The following SMAD6 variants were observed in gnomAD, a reference collection of about 807,000 sequenced individuals.
SMAD6 encodes the protein MAD homolog 6.
In SMAD6, 103 loss-of-function variants were observed where a neutral mutation model predicts 39.4. The observed-to-expected ratio is 2.62, with a 90% CI of 2.23 to 3.08. The LOEUF (loss-of-function observed/expected upper bound fraction) is 3.08, where lower values mean the gene tolerates loss of function less well. Among genes scored for constraint, SMAD6 ranks in the 30% most tolerant of loss-of-function variants. SMAD6 has a pLI of 0.00. For missense variants in SMAD6, 1,104 were observed against 742.9 expected (o/e 1.49, Z -5.65); for synonymous variants, 445 against 353.3 (o/e 1.26, Z -2.91).
At chr15:66,762,969 A>G (rs1883280058) in intron 3 of SMAD6, among the ~76,000 whole-genome samples, 1 of 152,086 alleles carries the variant, frequency 6.6e-6, no homozygotes, top group African/African-American at 2.4e-5. Context: ...GTTGTCCCCA[A>G]AGGACACAGC....
rs1217209125 is a variant in SMAD6 at position 66,703,870 on chromosome 15, C to T, written c.612C>T (p.Gly204=). 1.5e-6 allele frequency: 2 copies of T among 1,338,512 alleles called. No individual in the cohort carries two copies. The highest frequency in any genetic ancestry group is 6.7e-5 in the East Asian group (2 of 29,808). 82.9% of individuals were successfully genotyped at this position (1,338,512 alleles called of 1,614,324 possible). The change falls in exon 1 of 4, where the codon GGC becomes GGT. Residue 204 remains glycine, a synonymous_variant. Coordinates refer to ENST00000288840, the MANE Select transcript of SMAD6 (RefSeq NM_005585.5). Reference sequence around the variant, plus strand: ...AGTCCCGCGGCGGCGTGCCGGGCGGCTGCGTGCTGGTGCCGCGCGCCGACC... The same window carrying T: ...AGTCCCGCGGCGGCGTGCCGGGCGGTTGCGTGCTGGTGCCGCGCGCCGACC... ...AVESRGGVPG[G]CVLVPRADLR...
intron 3 of SMAD6, among the ~76,000 whole-genome samples, chr15:66,733,759 A>G (rs141010127): frequency 6.6e-6 from 1 of 152,336 alleles, no homozygotes; most frequent in East Asian, 1.9e-4. Flanking sequence ...ACTTTGGGCA[A>G]GTTGCCTCAG....
intron 3 of SMAD6, among the ~76,000 whole-genome samples, chr15:66,730,445 T>C (rs1893607353): frequency 6.6e-6 from 1 of 152,202 alleles, no homozygotes; most frequent in Non-Finnish European, 1.5e-5. Flanking sequence ...TTGTAGTGCA[T>C]TGAATTTGCA....
rs543003744 is a variant in SMAD6 at position 66,742,238 on chromosome 15, A to G, written c.952+25740A>G. ...AAGCCCCTCTCCCCTTTCTCAGCCT[A>G]CTTCTCATGGGAGTCAGCATCCCCT... On this transcript the variant is annotated intron_variant, in intron 3 of 3. Coordinates refer to ENST00000288840, the MANE Select transcript of SMAD6 (RefSeq NM_005585.5). 1.7e-3 allele frequency among the ~76,000 whole-genome samples: 253 copies of G among 152,158 alleles called. 1 individual carries two copies. The highest frequency in any genetic ancestry group is 5.4e-3 in the African/African-American group (224 of 41,516).
chr15:66,758,060 C>T (rs1051178372), intron 3 of SMAD6, among the ~76,000 whole-genome samples: 2 of 152,204 alleles, frequency 1.3e-5, no homozygotes, highest in African/African-American at 2.4e-5. Flanking sequence ...AAGTTGTTGT[C>T]ATTGTGTGTC....
chr15:66,713,406 G>A (rs1481934843), intron 2 of SMAD6, among the ~76,000 whole-genome samples: 2 of 152,066 alleles, frequency 1.3e-5, no homozygotes, highest in African/African-American at 2.4e-5. Context: ...TGCAACCTCC[G>A]CATCCCGGGT....
chr15:66,743,184 G>T (rs1212502659), intron 3 of SMAD6, among the ~76,000 whole-genome samples: 1 of 152,152 alleles, frequency 6.6e-6, no homozygotes, highest in East Asian at 1.9e-4. Flanking sequence ...GTGGGATCCT[G>T]AGAGCTCCCT....
At chr15:66,710,364 A>G (rs994731648) in intron 1 of SMAD6, among the ~76,000 whole-genome samples, 2 of 152,162 alleles carry the variant, frequency 1.3e-5, no homozygotes, top group African/African-American at 4.8e-5. Context: ...TCTGTGATTC[A>G]CTTTTCCTTC....
At chr15:66,715,395 A>G (rs1893309262) in intron 2 of SMAD6, among the ~76,000 whole-genome samples, 1 of 152,070 alleles carries the variant, frequency 6.6e-6, no homozygotes, top group African/African-American at 2.4e-5. Context: ...AATTCTAGCT[A>G]GTGAGGGCCT....
chr15:66,749,494 G>A (rs950753295), intron 3 of SMAD6, among the ~76,000 whole-genome samples: 5 of 152,080 alleles, frequency 3.3e-5, no homozygotes, highest in South Asian at 2.1e-4. Flanking sequence ...GGCAGGCGTC[G>A]TGGCATGCAC....
chr15:66,711,096 C>A (rs746856280), intron 1 of SMAD6, among the ~76,000 whole-genome samples: 1 of 152,160 alleles, frequency 6.6e-6, no homozygotes, highest in Admixed American at 6.5e-5. Context: ...CAGTTAAATT[C>A]GAGTATCAGA....
intron 2 of SMAD6, among the ~76,000 whole-genome samples, chr15:66,714,000 G>A (rs1214879797): frequency 6.6e-6 from 1 of 152,204 alleles, no homozygotes; most frequent in Non-Finnish European, 1.5e-5. Flanking sequence ...TCAGGTGGGT[G>A]GCTCACTGTC....
At chr15:66,779,392 C>T (rs78170144) in intron 3 of SMAD6, among the ~76,000 whole-genome samples, 11,107 of 152,250 alleles carry the variant, frequency 0.073, 573 homozygotes, top group Non-Finnish European at 0.11. Flanking sequence ...CTTGGATTAC[C>T]CCCCAGCAGA....
intron 3 of SMAD6, among the ~76,000 whole-genome samples, chr15:66,750,434 T>C (rs1031423585): frequency 6.6e-6 from 1 of 152,158 alleles, no homozygotes; most frequent in Non-Finnish European, 1.5e-5. Context: ...TTTTGCTCCA[T>C]TTAAGGGAAC....
At chr15:66,771,655 G>A (rs1247098330) in intron 3 of SMAD6, among the ~76,000 whole-genome samples, 1 of 152,186 alleles carries the variant, frequency 6.6e-6, no homozygotes, top group Non-Finnish European at 1.5e-5. Context: ...TGGGCTCAGG[G>A]TCGGGATTCC....
At chr15:66,713,691 C>T (rs1270729879) in intron 2 of SMAD6, among the ~76,000 whole-genome samples, 1 of 152,188 alleles carries the variant, frequency 6.6e-6, no homozygotes, top group African/African-American at 2.4e-5. Flanking sequence ...CCCTCTCCTG[C>T]TGTGAAGTCA....
intron 3 of SMAD6, among the ~76,000 whole-genome samples, chr15:66,724,203 G>T (rs1437155844): frequency 6.6e-6 from 1 of 152,100 alleles, no homozygotes; most frequent in Non-Finnish European, 1.5e-5. Flanking sequence ...TGGATACCAG[G>T]GAACCCTGGG....
At chr15:66,712,095 C>T (rs1197649206) in intron 2 of SMAD6, among the ~76,000 whole-genome samples, 1 of 152,162 alleles carries the variant, frequency 6.6e-6, no homozygotes, top group East Asian at 1.9e-4. Context: ...GGGTTATTCT[C>T]CTTTAGAGTG....
At position 66,702,369 on chromosome 15, in the gene SMAD6, C is replaced by T. The variant is rs1430001284; in HGVS notation, c.-890C>T. The T allele has an allele frequency of 1.3e-5, 2 of 151,766 alleles. No individual in the cohort carries two copies. Among genetic ancestry groups the T allele is most frequent in the East Asian group, 1.9e-4 (1 of 5,146 alleles). The allele number at this position is 151,766 out of a possible 1,614,324, so 9.4% of individuals were successfully genotyped here. On this transcript the variant is annotated 5_prime_UTR_variant, in exon 1 of 4. Transcript: ENST00000288840. The stretch of plus-strand genomic sequence containing the variant: ...GGAGCTGAGCCGAGAGAAAGAGCCG[C>T]CGGGCGCTGCCTCGCCAGACCTCGC...
Sources: allele counts gnomAD v4.1 joint callset (sites outside exome capture counted in the v4.1 genomes callset), GRCh38; gene constraint gnomAD v4.1.1; transcripts MANE v1.5; gene names NCBI Gene and HGNC (gene_info 2026-07-23, HGNC 2026-07-21).